The following EHMT1 variants were observed in gnomAD, a reference collection of about 807,000 sequenced individuals.
The protein encoded by EHMT1 is histone-lysine N-methyltransferase EHMT1.
A neutral mutation model predicts 147.2 loss-of-function variants in EHMT1; 15 were observed. The observed-to-expected ratio is 0.10, with a 90% CI of 0.07 to 0.16. The LOEUF (loss-of-function observed/expected upper bound fraction) is 0.16. Among genes scored for constraint, EHMT1 ranks in the 10% least tolerant of loss-of-function variants. The probability of loss-of-function intolerance (pLI) is 1.00; values close to 1 mark genes in which losing one functional copy is unlikely to be tolerated. For missense variants in EHMT1, 1,587 were observed against 1,772.4 expected, an observed-to-expected ratio of 0.90 and a Z score of 1.88; for synonymous variants, 795 against 709.6, an observed-to-expected ratio of 1.12 and a Z score of -1.91.
chr9:137,714,716 C>T (rs1206872374), intron 2 of EHMT1, among the ~76,000 whole-genome samples: 6 of 151,886 alleles, frequency 4.0e-5, no homozygotes, highest in Non-Finnish European at 8.8e-5. Flanking sequence ...CCATGCCCGG[C>T]TAATTTTTTA....
chr9:137,635,592 G>T (rs542056529), intron 1 of EHMT1, among the ~76,000 whole-genome samples: 1 of 151,512 alleles, frequency 6.6e-6, no homozygotes, highest in Non-Finnish European at 1.5e-5. Flanking sequence ...AGGCCGAGGT[G>T]GGTGGATCAC....
chr9:137,812,946 T>C (rs909793208), intron 19 of EHMT1, 60 bp from the exon 20 acceptor site: 76 of 1,599,544 alleles, frequency 4.8e-5, no homozygotes, highest in Admixed American at 1.5e-4. Context: ...ATAAATCTCA[T>C]CTGTATCACA....
Position 137,816,151 on chromosome 9 carries a change from C to T in EHMT1, c.3374+89C>T, listed in dbSNP as rs4876902. 274,550 of 1,231,248 alleles carry T rather than the reference C, an allele frequency of 0.22. 33,284 individuals carry two copies. Among genetic ancestry groups the T allele is most frequent in the Admixed American group, 0.42 (21,121 of 50,636 alleles). The allele number at this position is 1,231,248 out of a possible 1,614,324, so 76.3% of individuals were successfully genotyped here. ...GTCACCCCGACAGACAAGAACTTAA[C>T]GTGTTTGGATGCACGCACATGTGTG... On this transcript the variant is annotated intron_variant, in intron 23 of 26. Coordinates refer to ENST00000460843, the MANE Select transcript of EHMT1 (RefSeq NM_024757.5).
intron 9 of EHMT1, 135 bp from the exon 10 acceptor site, chr9:137,762,540 T>G: frequency 6.8e-7 from 1 of 1,477,958 alleles, no homozygotes; most frequent in Non-Finnish European, 9.2e-7. Context: ...GCAGGGCTGT[T>G]TGTGCTGGGT....
intron 1 of EHMT1, among the ~76,000 whole-genome samples, chr9:137,702,919 A>T (rs1244522935): frequency 6.6e-6 from 1 of 152,244 alleles, no homozygotes; most frequent in Non-Finnish European, 1.5e-5. Flanking sequence ...GATTACAGGC[A>T]TGCGCCACCA....
At chr9:137,784,563 C>CT (rs1951810575) in intron 15 of EHMT1, 1 of 437,156 alleles carries the variant, frequency 2.3e-6, no homozygotes, top group Non-Finnish European at 3.1e-6. Context: ...TTTCTCTTCT[C>CT]TCTGTTAGTT....
At chr9:137,728,626 C>G (rs1946833944) in intron 4 of EHMT1, 97 bp downstream of exon 4, 1 of 1,535,418 alleles carries the variant, frequency 6.5e-7, no homozygotes, top group African/African-American at 1.4e-5. Context: ...AGTGCCTGTG[C>G]TGCTCTTGAT....
chr9:137,727,596 T>A (rs1946750263), intron 3 of EHMT1, among the ~76,000 whole-genome samples: 1 of 152,242 alleles, frequency 6.6e-6, no homozygotes, highest in Non-Finnish European at 1.5e-5. Flanking sequence ...TATTTTACTG[T>A]GTATTGCACC....
At chr9:137,689,433 G>C (rs1404126194) in intron 1 of EHMT1, among the ~76,000 whole-genome samples, 1 of 152,036 alleles carries the variant, frequency 6.6e-6, no homozygotes, top group Non-Finnish European at 1.5e-5. Context: ...GGCCGGGTGC[G>C]GTGGCTCATG....
At chr9:137,769,476 A>C (rs970599580) in intron 10 of EHMT1, among the ~76,000 whole-genome samples, 1 of 152,022 alleles carries the variant, frequency 6.6e-6, no homozygotes, top group Admixed American at 6.6e-5. Context: ...TTTTGTCTTA[A>C]TTTTTCAAAG....
chr9:137,807,704 C>T (rs1564800342), intron 18 of EHMT1, among the ~76,000 whole-genome samples: 1 of 151,982 alleles, frequency 6.6e-6, no homozygotes, highest in African/African-American at 2.4e-5. Flanking sequence ...GGCGGGGTTT[C>T]ACCACGTTGC....
intron 26 of EHMT1, 40 bp downstream of exon 26, chr9:137,834,564 C>CGGGACGGTTTTA (rs1956468348): frequency 1.2e-6 from 2 of 1,606,992 alleles, no homozygotes; most frequent in Non-Finnish European, 1.7e-6. Flanking sequence ...CCGCTGCCGG[C>CGGGACGGTTTTA]GGGACGGTTT....
intron 1 of EHMT1, among the ~76,000 whole-genome samples, chr9:137,683,908 T>C (rs1942195956): frequency 6.6e-6 from 1 of 152,202 alleles, no homozygotes; most frequent in African/African-American, 2.4e-5. Context: ...GTGATGAGTT[T>C]GATGTATATC....
chr9:137,818,212 G>A (rs182880581), intron 25 of EHMT1, 74 bp downstream of exon 25: 1 of 1,503,832 alleles, frequency 6.6e-7, no homozygotes, highest in Non-Finnish European at 9.3e-7. Flanking sequence ...GTCCCAGTAG[G>A]GCTGGGATTC....
At chr9:137,834,576 A>G in intron 26 of EHMT1, 52 bp downstream of exon 26, 1 of 1,606,148 alleles carries the variant, frequency 6.2e-7, no homozygotes, top group Non-Finnish European at 8.5e-7. Context: ...GGACGGTTTT[A>G]GGAACGGGGC....
chr9:137,647,118 T>C (rs3118929), intron 1 of EHMT1, among the ~76,000 whole-genome samples: 7,454 of 152,276 alleles, frequency 0.049, 584 homozygotes, highest in African/African-American at 0.17. Flanking sequence ...GCCGCCTCCT[T>C]CTTCCCAGTC....
chr9:137,785,509 A>G (rs1035956630), intron 15 of EHMT1: 12 of 149,658 alleles, frequency 8.0e-5, no homozygotes, highest in African/African-American at 2.8e-4. Context: ...AGGCTTCTTG[A>G]AGACATTCCT....
intron 25 of EHMT1, among the ~76,000 whole-genome samples, chr9:137,824,638 T>C (rs1276850463): frequency 6.6e-6 from 1 of 152,212 alleles, no homozygotes. Flanking sequence ...CCCAGCTGTC[T>C]TTGAGTTTGA....
chr9:137,780,738 A>G (rs76328613), intron 14 of EHMT1, among the ~76,000 whole-genome samples: 64 of 57,298 alleles, frequency 1.1e-3, no homozygotes, highest in African/African-American at 2.2e-3. Flanking sequence ...TGGTGATGAC[A>G]CTGGGATGTG....
Sources: allele counts gnomAD v4.1 joint callset (sites outside exome capture counted in the v4.1 genomes callset), GRCh38; gene constraint gnomAD v4.1.1; transcripts MANE v1.5; gene names NCBI Gene and HGNC (gene_info 2026-07-23, HGNC 2026-07-21).